Variants in MTSS1 observed in about 807,000 individuals in gnomAD.
MTSS1 encodes the protein protein MTSS 1.
Under a neutral mutation model 79.0 loss-of-function variants are expected in MTSS1, and 18 were observed. That is an observed-to-expected ratio of 0.23 (90% CI 0.16 to 0.34). The LOEUF (loss-of-function observed/expected upper bound fraction) is 0.34, where lower values mean the gene tolerates loss of function less well. MTSS1 is among the 10% of genes least tolerant of loss of function. The pLI, the probability that MTSS1 is intolerant of heterozygous loss-of-function variation, is 1.00. For synonymous variants in MTSS1, 341 were observed against 368.6 expected (o/e 0.93, Z 0.86); for missense variants, 815 against 986.2 (o/e 0.83, Z 2.33).
chr8:124,666,483 G>A (rs1587690198), intron 3 of MTSS1, among the ~76,000 whole-genome samples: 1 of 152,164 alleles, frequency 6.6e-6, no homozygotes, highest in East Asian at 1.9e-4. Context: ...AAAGATATAA[G>A]AGAAAATGGC....
chr8:124,592,845 T>C (rs2132724226), intron 3 of MTSS1, among the ~76,000 whole-genome samples: 1 of 152,296 alleles, frequency 6.6e-6, no homozygotes, highest in Non-Finnish European at 1.5e-5. Context: ...CCTTGGCCTC[T>C]ACCCACCAGA....
At chr8:124,667,371 G>A (rs113229291) in intron 3 of MTSS1, among the ~76,000 whole-genome samples, 3,939 of 152,218 alleles carry the variant, frequency 0.026, 168 homozygotes, top group African/African-American at 0.089. Flanking sequence ...TAGGCCGGGC[G>A]TGGTGGCTCA....
chr8:124,661,405 G>C (rs967539649), intron 3 of MTSS1, among the ~76,000 whole-genome samples: 9 of 151,722 alleles, frequency 5.9e-5, no homozygotes, highest in East Asian at 1.9e-4. Flanking sequence ...TCTAGACAAA[G>C]AGCAAGTTCA....
At chr8:124,677,006 T>C (rs759530218) in intron 3 of MTSS1, among the ~76,000 whole-genome samples, 3 of 152,204 alleles carry the variant, frequency 2.0e-5, no homozygotes, top group African/African-American at 4.8e-5. Context: ...AATTGGACTA[T>C]TGAGAATTTT....
intron 3 of MTSS1, among the ~76,000 whole-genome samples, chr8:124,663,157 G>A (rs1377863920): frequency 8.5e-5 from 13 of 152,156 alleles, no homozygotes. Context: ...CTGCACACGT[G>A]TCTCTAGGAA....
At chr8:124,608,143 T>C (rs903942119) in intron 3 of MTSS1, among the ~76,000 whole-genome samples, 3 of 151,996 alleles carry the variant, frequency 2.0e-5, no homozygotes, top group African/African-American at 7.2e-5. Context: ...TGAGAGCTGG[T>C]CACATCATGT....
intron 3 of MTSS1, among the ~76,000 whole-genome samples, chr8:124,687,772 C>G (rs1827221852): frequency 6.6e-6 from 1 of 152,244 alleles, no homozygotes; most frequent in South Asian, 2.1e-4. Flanking sequence ...TGTATTTTAT[C>G]AGATCCTCTG....
At chr8:124,606,786 G>A (rs922215120) in intron 3 of MTSS1, among the ~76,000 whole-genome samples, 4 of 152,120 alleles carry the variant, frequency 2.6e-5, no homozygotes, top group Admixed American at 2.6e-4. Context: ...TGGCCGGTCT[G>A]CATCCAAGGC....
At chr8:124,643,959 G>C (rs1030131517) in intron 3 of MTSS1, among the ~76,000 whole-genome samples, 3 of 152,038 alleles carry the variant, frequency 2.0e-5, no homozygotes, top group Non-Finnish European at 2.9e-5. Flanking sequence ...AAAAGTTTGT[G>C]GGTGTGGGTA....
At chr8:124,591,474 T>C (rs1270377301) in intron 3 of MTSS1, among the ~76,000 whole-genome samples, 2 of 152,260 alleles carry the variant, frequency 1.3e-5, no homozygotes, top group African/African-American at 2.4e-5. Flanking sequence ...TCCTACTATA[T>C]ACCACACTCT....
At chr8:124,581,427 C>T (rs574124799) in intron 6 of MTSS1, among the ~76,000 whole-genome samples, 8 of 151,648 alleles carry the variant, frequency 5.3e-5, no homozygotes, top group East Asian at 1.9e-4. Flanking sequence ...TTTGTAGTTA[C>T]AGATGGAAAC....
intron 3 of MTSS1, among the ~76,000 whole-genome samples, chr8:124,602,667 T>C (rs1032586299): frequency 2.6e-5 from 4 of 151,794 alleles, no homozygotes; most frequent in Admixed American, 6.6e-5. Flanking sequence ...AACTGATCAG[T>C]AAGGAAGCTC....
In MTSS1 at chr8:124,562,772, G is replaced by A. The variant is rs4007921; in HGVS notation, c.1035+10C>T. On this transcript the variant is annotated intron_variant, in intron 10 of 13. Transcript: ENST00000518547. ...GTGACAGCTGCTCCTGGAGCCAAGG[G>A]CACCCTTACCTGGTTGGGGGCCTCT... 0.079 allele frequency: 128,046 copies of A among 1,612,502 alleles called. 5,862 individuals carry two copies. Among genetic ancestry groups the A allele is most frequent in the East Asian group, 0.21 (9,283 of 44,862 alleles).
intron 3 of MTSS1, among the ~76,000 whole-genome samples, chr8:124,673,701 G>C (rs16893081): frequency 0.12 from 18,659 of 152,260 alleles, 1,628 homozygotes; most frequent in Admixed American, 0.26. Context: ...CTTGCCTTGT[G>C]TTAGGGCATC....
intron 6 of MTSS1, chr8:124,580,585 G>T (rs750139364): frequency 1.3e-6 from 2 of 1,535,722 alleles, no homozygotes; most frequent in Non-Finnish European, 1.7e-6. Context: ...CACACGGTGA[G>T]AAAGTGCAGG....
intron 1 of MTSS1, among the ~76,000 whole-genome samples, chr8:124,724,709 T>C (rs1479040940): frequency 1.3e-5 from 2 of 152,146 alleles, no homozygotes; most frequent in Non-Finnish European, 2.9e-5. Flanking sequence ...CCAAAATCGA[T>C]GCCGGTTCAA....
At chr8:124,695,072 G>A (rs777200070) in intron 3 of MTSS1, among the ~76,000 whole-genome samples, 2 of 152,032 alleles carry the variant, frequency 1.3e-5, no homozygotes, top group Non-Finnish European at 2.9e-5. Flanking sequence ...TTTAACAATA[G>A]GTACATAACA....
At chr8:124,636,471 G>C (rs984086747) in intron 3 of MTSS1, among the ~76,000 whole-genome samples, 1 of 152,136 alleles carries the variant, frequency 6.6e-6, no homozygotes, top group Non-Finnish European at 1.5e-5. Context: ...ATGTGTTTGA[G>C]ACTCTAAATA....
intron 3 of MTSS1, among the ~76,000 whole-genome samples, chr8:124,668,182 C>A (rs758292470): frequency 1.3e-5 from 2 of 152,204 alleles, no homozygotes; most frequent in African/African-American, 2.4e-5. Context: ...GAGGACACAG[C>A]GCAAGCGGCC....
Sources: gnomAD v4.1 joint callset for allele counts (sites outside exome capture counted in the v4.1 genomes callset) on GRCh38, gnomAD v4.1.1 for gene constraint, MANE v1.5 for transcripts, NCBI Gene and HGNC (gene_info 2026-07-23, HGNC 2026-07-21) for gene names.